Variants in CNBD2 observed in about 807,000 individuals in gnomAD.
CNBD2 encodes cyclic nucleotide binding domain containing 2, also known as cyclic nucleotide-binding domain-containing protein 2.
CNBD2 carries 64 observed loss-of-function variants against 63.7 expected under a neutral mutation model. The observed-to-expected ratio is 1.00, with a 90% confidence interval of 0.82 to 1.24. The LOEUF is 1.24. Among genes scored for constraint, CNBD2 ranks in the 50% most tolerant of loss-of-function variants. The probability of loss-of-function intolerance (pLI) is 0.00; values close to 1 mark genes in which losing one functional copy is unlikely to be tolerated. For synonymous variants in CNBD2, 229 were observed against 255.4 expected (o/e 0.90, Z 0.99); for missense variants, 691 against 713.5 (o/e 0.97, Z 0.36).
chr20:35,962,113 T>G (rs546941767), intron 2 of CNBD2, among the ~76,000 whole-genome samples: 1 of 152,252 alleles, frequency 6.6e-6, no homozygotes, highest in African/African-American at 2.4e-5. Flanking sequence ...CACCCCTCAT[T>G]GCCGCACAGG....
At chr20:35,963,350 A>G (rs1196225595) in intron 2 of CNBD2, among the ~76,000 whole-genome samples, 1 of 151,740 alleles carries the variant, frequency 6.6e-6, no homozygotes, top group Non-Finnish European at 1.5e-5. Flanking sequence ...CCAAATTAAA[A>G]AAAAAAAAAA....
At chr20:35,959,672 G>C (rs975591056), downstream of CNBD2, among the ~76,000 whole-genome samples, 2 of 152,144 alleles carry the variant, frequency 1.3e-5, no homozygotes, top group African/African-American at 4.8e-5. Flanking sequence ...ATGAGATTTG[G>C]GTGCGGATAC....
chr20:35,992,326 A>G (rs1390873085), intron 7 of CNBD2, among the ~76,000 whole-genome samples: 1 of 152,192 alleles, frequency 6.6e-6, no homozygotes, highest in Non-Finnish European at 1.5e-5. Flanking sequence ...CCCCTGACCT[A>G]AGGGAGGAAT....
chr20:35,969,638 A>C (rs1047161826), intron 1 of CNBD2, among the ~76,000 whole-genome samples: 6 of 152,200 alleles, frequency 3.9e-5, no homozygotes, highest in African/African-American at 1.4e-4. Flanking sequence ...AGCTTTATCC[A>C]CATTGACACA....
chr20:35,989,768 A>G (rs929363537), intron 7 of CNBD2, among the ~76,000 whole-genome samples: 1 of 151,936 alleles, frequency 6.6e-6, no homozygotes, highest in Non-Finnish European at 1.5e-5. Flanking sequence ...ACGACTCAGG[A>G]GACTCATGCA....
chr20:36,028,796 C>A (rs903980503), intron 11 of CNBD2, among the ~76,000 whole-genome samples: 1 of 151,692 alleles, frequency 6.6e-6, no homozygotes, highest in Non-Finnish European at 1.5e-5. Context: ...GTGGCTCAGC[C>A]TCCTGAGTAG....
upstream of CNBD2, among the ~76,000 whole-genome samples, chr20:35,968,124 G>A (rs1484574934): frequency 1.3e-5 from 2 of 152,146 alleles, no homozygotes; most frequent in Non-Finnish European, 2.9e-5. Flanking sequence ...ATCAAGTGTA[G>A]TATACGCATT....
At chr20:36,018,346 G>T (rs2057162899) in intron 10 of CNBD2, among the ~76,000 whole-genome samples, 2 of 152,194 alleles carry the variant, frequency 1.3e-5, no homozygotes, top group African/African-American at 2.4e-5. Flanking sequence ...TGATTTCCTA[G>T]AAGTCCTGGA....
chr20:36,026,573 TCCAGC>T (rs2057285507), intron 11 of CNBD2, among the ~76,000 whole-genome samples: 1 of 152,102 alleles, frequency 6.6e-6, no homozygotes, highest in African/African-American at 2.4e-5. Flanking sequence ...TCAAGTCCCC[TCCAGC>T]ATCTCCTGCC....
chr20:35,963,556 G>A (rs1473904333), intron 2 of CNBD2, among the ~76,000 whole-genome samples: 3 of 151,714 alleles, frequency 2.0e-5, no homozygotes, highest in Admixed American at 6.6e-5. Context: ...CAGGAGAATC[G>A]CTTGAACCCA....
chr20:35,975,458 G>T (rs1223053943), intron 2 of CNBD2, among the ~76,000 whole-genome samples: 1 of 97,788 alleles, frequency 1.0e-5, no homozygotes, highest in Admixed American at 1.1e-4. Context: ...CCGCTACCAC[G>T]CCCGGCTAAT....
chr20:35,976,682 CATT>C (rs541097679), intron 3 of CNBD2, among the ~76,000 whole-genome samples: 47 of 152,258 alleles, frequency 3.1e-4, no homozygotes, highest in African/African-American at 1.1e-3. Context: ...TCAATCTCAT[CATT>C]GTTATCTTCT....
At chr20:35,989,100 T>A (rs1463582281) in intron 7 of CNBD2, among the ~76,000 whole-genome samples, 1 of 152,204 alleles carries the variant, frequency 6.6e-6, no homozygotes, top group Non-Finnish European at 1.5e-5. Context: ...AGTATTGTCA[T>A]TATTCCCATT....
Position 35,980,458 on chromosome 20 carries a change from G to A in CNBD2, c.244-1G>A. The A allele has an allele frequency of 1.2e-6, 2 of 1,614,026 alleles. No homozygotes were observed. Among genetic ancestry groups the A allele is most frequent in the Non-Finnish European group, 1.7e-6 (2 of 1,179,950 alleles). On this transcript the variant is annotated splice_acceptor_variant, in intron 3 of 11. Coordinates refer to ENST00000373973, the MANE Select transcript of CNBD2 (RefSeq NM_001365709.1). LOFTEE classifies it high-confidence loss of function. ...GTATCACTCTGGTCCTCTCTCCCCA[G>A]GGTCACTTTCCTCCAAAGGCCATTC...
chr20:35,984,482 G>T (rs1394309148), intron 5 of CNBD2, 145 bp from the exon 6 acceptor site: 13 of 868,032 alleles, frequency 1.5e-5, no homozygotes, highest in South Asian at 1.9e-5. Context: ...GGGAGAATGT[G>T]CAGGAGAATA....
At chr20:36,017,167 A>G (rs547181272) in intron 10 of CNBD2, among the ~76,000 whole-genome samples, 1 of 152,164 alleles carries the variant, frequency 6.6e-6, no homozygotes, top group Non-Finnish European at 1.5e-5. Context: ...CCAGAGCTGA[A>G]TGAGAGGAGG....
intron 10 of CNBD2, among the ~76,000 whole-genome samples, chr20:36,016,663 C>T (rs1326340034): frequency 1.3e-5 from 2 of 151,836 alleles, no homozygotes; most frequent in Admixed American, 6.6e-5. Context: ...GTGGCACACA[C>T]CTGTAACCCC....
In CNBD2 at chr20:36,024,694, C is replaced by T. The variant is rs575685897; in HGVS notation, c.1439+923C>T. On this transcript the variant is annotated intron_variant, in intron 11 of 11. Coordinates refer to ENST00000373973, the MANE Select transcript of CNBD2 (RefSeq NM_001365709.1). The stretch of plus-strand genomic sequence containing the variant: ...CTGTAATCCCAGCACTTTGGGAGGC[C>T]GAGGCAGGTGGATTACCTGAGGTCA... Among the ~76,000 whole-genome samples the T allele has an allele frequency of 2.8e-4, 43 of 151,318 alleles. No individual in the cohort carries two copies. The East Asian group carries it at 5.5e-3, about 19-fold the overall frequency.
chr20:36,018,623 G>A (rs1342175463), intron 10 of CNBD2, among the ~76,000 whole-genome samples: 2 of 152,166 alleles, frequency 1.3e-5, no homozygotes, highest in Non-Finnish European at 2.9e-5. Context: ...GGGAGTAGCA[G>A]TGTGGAGCTG....
Sources: gnomAD v4.1 joint callset for allele counts (sites outside exome capture counted in the v4.1 genomes callset) on GRCh38, gnomAD v4.1.1 for gene constraint, MANE v1.5 for transcripts, NCBI Gene and HGNC (gene_info 2026-07-23, HGNC 2026-07-21) for gene names.